BBS9: variants seen among roughly 807,000 people sequenced by gnomAD.
BBS9 encodes the protein Bardet-Biedl syndrome 9.
A neutral mutation model predicts 117.7 loss-of-function variants in BBS9; 89 were observed. The observed-to-expected ratio is 0.76, with a 90% CI of 0.64 to 0.90. BBS9 has a LOEUF of 0.90. BBS9 is among the 40% of genes least tolerant of loss of function. The probability of loss-of-function intolerance (pLI) is 0.00; values close to 1 mark genes in which losing one functional copy is unlikely to be tolerated. For missense variants in BBS9, 982 were observed against 1,042.2 expected (o/e 0.94, Z 0.80); for synonymous variants, 379 against 370.9 (o/e 1.02, Z -0.25).
chr7:33,263,936 GC>G (rs1798377074), intron 6 of BBS9, among the ~76,000 whole-genome samples: 1 of 152,046 alleles, frequency 6.6e-6, no homozygotes, highest in Non-Finnish European at 1.5e-5. Context: ...CCATCTGACT[GC>G]TTTGCATATT....
intron 5 of BBS9, among the ~76,000 whole-genome samples, chr7:33,184,329 T>A (rs942570962): frequency 4.6e-5 from 7 of 152,178 alleles, no homozygotes; most frequent in African/African-American, 1.7e-4. Flanking sequence ...AAGCTCCCCA[T>A]GTCCGGTGAT....
intron 5 of BBS9, among the ~76,000 whole-genome samples, chr7:33,181,317 G>T (rs1293871265): frequency 6.6e-6 from 1 of 152,128 alleles, no homozygotes; most frequent in Non-Finnish European, 1.5e-5. Context: ...AGAATAATAG[G>T]TGAGACATTT....
intron 21 of BBS9, among the ~76,000 whole-genome samples, chr7:33,632,543 G>T (rs1019083629): frequency 2.0e-5 from 3 of 152,156 alleles, no homozygotes; most frequent in African/African-American, 4.8e-5. Flanking sequence ...GTAGACTTGC[G>T]ATTTTGCCTT....
chr7:33,224,751 A>G (rs1178499763), intron 5 of BBS9, among the ~76,000 whole-genome samples: 3 of 152,058 alleles, frequency 2.0e-5, no homozygotes, highest in Non-Finnish European at 4.4e-5. Flanking sequence ...GTAAATTTGT[A>G]GTTAGATGTA....
intron 6 of BBS9, among the ~76,000 whole-genome samples, chr7:33,259,105 T>A (rs1303971255): frequency 6.6e-6 from 1 of 152,220 alleles, no homozygotes; most frequent in African/African-American, 2.4e-5. Flanking sequence ...TATTAAATGA[T>A]AATCACTGCT....
At chr7:33,175,341 A>G (rs1234667855) in intron 4 of BBS9, among the ~76,000 whole-genome samples, 1 of 152,106 alleles carries the variant, frequency 6.6e-6, no homozygotes, top group African/African-American at 2.4e-5. Context: ...AACTAATGTT[A>G]ATTAACCATT....
intron 21 of BBS9, among the ~76,000 whole-genome samples, chr7:33,624,370 A>G (rs937274847): frequency 2.6e-5 from 4 of 152,164 alleles, no homozygotes; most frequent in East Asian, 1.9e-4. Flanking sequence ...CAGTGGCCAC[A>G]TTAGAAGCCA....
chr7:33,308,002 A>T (rs897424198), intron 9 of BBS9, among the ~76,000 whole-genome samples: 10 of 152,200 alleles, frequency 6.6e-5, no homozygotes, highest in African/African-American at 2.4e-4. Context: ...GTCGAAAACC[A>T]GGTGGGAGTG....
rs141395959 is a variant in BBS9, at chr7:33,195,280, G to A, written c.442+17689G>A. Among the ~76,000 whole-genome samples, 603 of 152,284 alleles carry A rather than the reference G, an allele frequency of 4.0e-3. 4 individuals carry two copies. The highest frequency in any genetic ancestry group is 6.0e-3 in the Non-Finnish European group (409 of 67,998). On this transcript the variant is annotated intron_variant, in intron 5 of 22. Coordinates refer to ENST00000242067, the MANE Select transcript of BBS9 (RefSeq NM_198428.3). The stretch of plus-strand genomic sequence containing the variant: ...AGACATTTGATTGGGCAGGGCTGAT[G>A]TGTTATATACTTTAGACTTTGGGGT...
intron 9 of BBS9, among the ~76,000 whole-genome samples, chr7:33,292,729 C>T (rs1169276586): frequency 4.6e-5 from 7 of 151,920 alleles, no homozygotes; most frequent in Admixed American, 3.3e-4. Flanking sequence ...AAAAGTTGGC[C>T]GGGCACAGGG....
At chr7:33,626,890 T>A (rs1390473176) in intron 21 of BBS9, among the ~76,000 whole-genome samples, 1 of 152,194 alleles carries the variant, frequency 6.6e-6, no homozygotes, top group Admixed American at 6.5e-5. Flanking sequence ...AAGCAGAGTG[T>A]GAAAGTTTGG....
chr7:33,559,639 G>T (rs1420770135), intron 21 of BBS9, among the ~76,000 whole-genome samples: 1 of 152,130 alleles, frequency 6.6e-6, no homozygotes, highest in Non-Finnish European at 1.5e-5. Context: ...AGCCAAATAT[G>T]CTGCCAGCTG....
chr7:33,151,748 A>C (rs1333918073), intron 2 of BBS9, among the ~76,000 whole-genome samples: 8 of 151,554 alleles, frequency 5.3e-5, no homozygotes, highest in Non-Finnish European at 1.0e-4. Flanking sequence ...ATAGGGTTTC[A>C]ACATGTTGGC....
intron 16 of BBS9, among the ~76,000 whole-genome samples, chr7:33,362,293 T>G (rs1820767506): frequency 6.6e-6 from 1 of 152,182 alleles, no homozygotes; most frequent in African/African-American, 2.4e-5. Flanking sequence ...CGTTTATCAA[T>G]TTCTTAATGG....
intron 5 of BBS9, among the ~76,000 whole-genome samples, chr7:33,187,698 G>T (rs1317307576): frequency 6.6e-6 from 1 of 151,944 alleles, no homozygotes; most frequent in East Asian, 1.9e-4. Context: ...GGTGGGCGGA[G>T]ACTTGAGGTC....
At chr7:33,471,761 AG>A (rs1841069429) in intron 19 of BBS9, among the ~76,000 whole-genome samples, 1 of 152,228 alleles carries the variant, frequency 6.6e-6, no homozygotes, top group Non-Finnish European at 1.5e-5. Context: ...AAATTTGTAA[AG>A]GTTGGTTGTC....
At chr7:33,363,536 A>C (rs1415041356) in intron 16 of BBS9, among the ~76,000 whole-genome samples, 1 of 152,166 alleles carries the variant, frequency 6.6e-6, no homozygotes, top group African/African-American at 2.4e-5. Context: ...AAATCAAAAC[A>C]GTTTTACTTC....
In BBS9 at chr7:33,157,851, A is replaced by C. The variant is rs995558403; in HGVS notation, c.328+2149A>C. 2.7e-4 allele frequency: 3 copies of C among 11,082 alleles called. No individual in the cohort carries two copies. The Admixed American group carries it at 3.7e-3, about 14-fold the overall frequency. 0.7% of individuals were successfully genotyped at this position (11,082 alleles called of 1,614,324 possible). A position where few individuals can be genotyped will look rare whatever the true frequency, so the allele number is the denominator to read the frequency against. ...GTTATGTGTCATCAAATGTATGCTT[A>C]ATATAGAGAAAAAAACAGGGTCTTG... On this transcript the variant is annotated intron_variant, in intron 4 of 22. Coordinates refer to ENST00000242067, the MANE Select transcript of BBS9 (RefSeq NM_198428.3).
At chr7:33,328,610 G>T (rs987018437) in intron 9 of BBS9, among the ~76,000 whole-genome samples, 7 of 152,176 alleles carry the variant, frequency 4.6e-5, no homozygotes, top group African/African-American at 1.7e-4. Flanking sequence ...AGGGTTTTAA[G>T]ATTTCCTTGG....
Sources: allele counts gnomAD v4.1 joint callset (sites outside exome capture counted in the v4.1 genomes callset), GRCh38; gene constraint gnomAD v4.1.1; transcripts MANE v1.5; gene names NCBI Gene and HGNC (gene_info 2026-07-23, HGNC 2026-07-21).